Variants in CHD7 observed in about 807,000 individuals in gnomAD.
The protein encoded by CHD7 is chromodomain helicase DNA binding protein 7.
Under a neutral mutation model 307.3 loss-of-function variants are expected in CHD7, and 24 were observed. The observed-to-expected ratio is 0.08, with a 90% CI of 0.06 to 0.11. The LOEUF (loss-of-function observed/expected upper bound fraction) is 0.11, where lower values mean the gene tolerates loss of function less well. Ranked by LOEUF, CHD7 falls within the 10% of genes least tolerant of loss-of-function variation. The pLI is 1.00. For missense variants in CHD7, 3,106 were observed against 3,727.1 expected, an observed-to-expected ratio of 0.83 and a Z score of 4.34; for synonymous variants, 1,363 against 1,349.9, an observed-to-expected ratio of 1.01 and a Z score of -0.21.
At chr8:60,822,275 A>C (rs1231114910) in intron 11 of CHD7, 130 bp downstream of exon 11, 1 of 746,798 alleles carries the variant, frequency 1.3e-6, no homozygotes, top group African/African-American at 1.8e-5. Context: ...AAGCATTGAA[A>C]ATATATGTAA....
chr8:60,709,094 T>C (rs1055098753), intron 1 of CHD7, among the ~76,000 whole-genome samples: 1 of 152,242 alleles, frequency 6.6e-6, no homozygotes, highest in African/African-American at 2.4e-5. Flanking sequence ...TCTACGTTCC[T>C]GTTTTCTTCT....
rs935560876 is a variant in CHD7, at chr8:60,856,640, T to G, written c.7360T>G (p.Ser2454Ala). ...LSKASREATS[S>A]TSNFSSLSSK... ...AAAGGCCTCAAGAGAGGCAACAAGC[T>G]CTACCTCAAATTTTTCATCTCTTTC... is the stretch of plus-strand genomic sequence containing the variant. Residue 2454 changes from serine to alanine, a missense_variant, in exon 34 of 38, where the codon TCT becomes GCT. Ser to Ala is a moderately conservative substitution (Grantham distance 99, BLOSUM62 1). Coordinates refer to ENST00000423902, the MANE Select transcript of CHD7 (RefSeq NM_017780.4). 1 of 1,614,022 alleles carries G rather than the reference T, an allele frequency of 6.2e-7. No individual in the cohort carries two copies. The highest frequency in any genetic ancestry group is 1.3e-5 in the African/African-American group (1 of 75,048).
chr8:60,852,573 G>A lies in CHD7; in HGVS notation c.5970G>A (p.Gln1990=), dbSNP rs746664377. The part of the protein sequence containing the change: ...TFGVIFDPVK[Q]QFDWNQFRAF... ...GGGTTATTTTTGACCCTGTGAAACA[G>A]CAATTTGACTGGAACCAATTTAGAG... The change falls in exon 30 of 38, where the codon CAG becomes CAA. Residue 1990 remains glutamine (Q), a synonymous_variant. Transcript: ENST00000423902. 3 of 1,613,946 alleles carry A rather than the reference G, an allele frequency of 1.9e-6. No homozygotes were observed. In the South Asian group the frequency reaches 3.3e-5, roughly 18 times the overall value.
chr8:60,743,449 G>A (rs917027358), intron 2 of CHD7, among the ~76,000 whole-genome samples: 3 of 152,178 alleles, frequency 2.0e-5, no homozygotes, highest in Admixed American at 2.0e-4. Context: ...GTGTGTGTGT[G>A]TTTTAAAAAT....
At chr8:60,722,806 A>T (rs1331265583) in intron 1 of CHD7, among the ~76,000 whole-genome samples, 1 of 152,232 alleles carries the variant, frequency 6.6e-6, no homozygotes, top group Non-Finnish European at 1.5e-5. Context: ...GAACATGAAG[A>T]AAATCTGGTC....
In CHD7 at chr8:60,867,055, C is replaced by T. The variant is rs1174806322; in HGVS notation, c.*1122C>T. On this transcript the variant is annotated 3_prime_UTR_variant, in exon 38 of 38. Coordinates refer to ENST00000423902, the MANE Select transcript of CHD7 (RefSeq NM_017780.4). ...CTTTTGGTAAGACACTAAACTGTCTCGAAGACTAGACAGGAAGGAAAACCT... is the reference window on the plus strand; with the variant it reads ...CTTTTGGTAAGACACTAAACTGTCTTGAAGACTAGACAGGAAGGAAAACCT... 3 of 152,000 alleles carry T rather than the reference C, an allele frequency of 2.0e-5. No individual in the cohort carries two copies. The highest frequency in any genetic ancestry group is 4.8e-5 in the African/African-American group (2 of 41,372). The allele number at this position is 152,000 out of a possible 1,614,324, so 9.4% of individuals were successfully genotyped here. A position where few individuals can be genotyped will look rare whatever the true frequency, so the allele number is the denominator to read the frequency against.
chr8:60,805,492 C>T (rs1458188279), intron 6 of CHD7, among the ~76,000 whole-genome samples: 1 of 152,158 alleles, frequency 6.6e-6, no homozygotes, highest in East Asian at 1.9e-4. Flanking sequence ...CTAGGCAGCC[C>T]TAGACTCTCT....
intron 7 of CHD7, among the ~76,000 whole-genome samples, chr8:60,814,308 G>A (rs1348099012): frequency 6.6e-6 from 1 of 152,238 alleles, no homozygotes; most frequent in Non-Finnish European, 1.5e-5. Flanking sequence ...TCCAGTTCAA[G>A]GCTACACAGG....
At chr8:60,795,246 T>C in intron 4 of CHD7, 119 bp downstream of exon 4, 1 of 979,214 alleles carries the variant, frequency 1.0e-6, no homozygotes. Context: ...GATGTCTTTA[T>C]TGTAGTCTGG....
chr8:60,712,469 G>A (rs951969490), intron 1 of CHD7, among the ~76,000 whole-genome samples: 2 of 152,130 alleles, frequency 1.3e-5, no homozygotes, highest in African/African-American at 4.8e-5. Flanking sequence ...GAGCAGAATC[G>A]GCCCTCCTGC....
chr8:60,767,689 G>A (rs764182261), intron 2 of CHD7, among the ~76,000 whole-genome samples: 16 of 152,140 alleles, frequency 1.1e-4, no homozygotes, highest in Non-Finnish European at 2.1e-4. Context: ...AGCTCTGTGC[G>A]GGACTCCTCA....
In CHD7 at chr8:60,833,687, C is replaced by A. The variant is rs536737033; in HGVS notation, c.3779-2386C>A. 3.3e-5 allele frequency among the ~76,000 whole-genome samples: 5 copies of A among 152,320 alleles called. No individual in the cohort carries two copies. The South Asian group carries it at 1.0e-3, about 32-fold the overall frequency. ...AAGTTGTCTTTGATATACACACTTT[C>A]CAGTGTAGTGCCAGCCATACATTAA... On this transcript the variant is annotated intron_variant, in intron 15 of 37. Coordinates refer to ENST00000423902, the MANE Select transcript of CHD7 (RefSeq NM_017780.4).
At position 60,735,684 on chromosome 8, in the gene CHD7, T is replaced by C. The variant is rs74916248; in HGVS notation, c.-174-5575T>C. ...CATCCCAAAGGGTAGATATGGACCT[T>C]TAAAAGAATACTAATCTCTGAAAGA... On this transcript the variant is annotated intron_variant, in intron 1 of 37. Transcript: ENST00000423902. Among the ~76,000 whole-genome samples, 804 of 152,336 alleles carry C rather than the reference T, an allele frequency of 5.3e-3. 4 individuals carry two copies. The highest frequency in any genetic ancestry group is 8.4e-3 in the Non-Finnish European group (574 of 68,034).
chr8:60,815,242 A>G (rs6987611), intron 7 of CHD7, among the ~76,000 whole-genome samples: 38,518 of 152,110 alleles, frequency 0.25, 8,385 homozygotes, highest in African/African-American at 0.6. Flanking sequence ...AGCATTTCCT[A>G]TATCATGAAT....
chr8:60,837,032 C>G lies in CHD7; in HGVS notation c.4185+20C>G. ...CTCCAGGTAAATGCACAAGAAAGTC[C>G]TGATGCCTTTAAAAAGGAAGTCATT... is the stretch of plus-strand genomic sequence containing the variant. On this transcript the variant is annotated intron_variant, in intron 17 of 37. Transcript: ENST00000423902. 6.3e-7 allele frequency: 1 copy of G among 1,574,992 alleles called. No homozygotes were observed. Among genetic ancestry groups the G allele is most frequent in the Non-Finnish European group, 8.7e-7 (1 of 1,153,864 alleles).
intron 7 of CHD7, among the ~76,000 whole-genome samples, chr8:60,810,708 T>A (rs1194663963): frequency 6.6e-6 from 1 of 152,214 alleles, no homozygotes; most frequent in African/African-American, 2.4e-5. Flanking sequence ...GTTAGCTTTT[T>A]GTCTTTAGTT....
chr8:60,816,496 T>A lies in CHD7; in HGVS notation c.2608T>A (p.Ser870Thr). The change falls in exon 8 of 38, where the codon TCA becomes ACA. Residue 870 changes from serine (S) to threonine (T), a missense_variant. Physicochemically the swap from Ser to Thr is moderately conservative, Grantham distance 58 (BLOSUM62 1). This residue lies in a region of CHD7 where 188 missense variants were observed against 261.7 expected (regional missense o/e 0.72). Transcript: ENST00000423902. ...KAKQGQNKFLSEIEDELFNPD... is the reference protein window; with the variant it reads ...KAKQGQNKFLTEIEDELFNPD... ...AAAGCAGGGCCAGAACAAGTTCCTT[T>A]CAGAGGTACGACATACCTGCTTACT... The A allele has an allele frequency of 6.3e-7, 1 of 1,579,348 alleles. No individual in the cohort carries two copies. The highest frequency in any genetic ancestry group is 8.7e-7 in the Non-Finnish European group (1 of 1,152,708).
rs953926950 is a variant in CHD7 at position 60,826,782 on chromosome 8, C to G, written c.3379-1881C>G. On this transcript the variant is annotated intron_variant, in intron 13 of 37. Coordinates refer to ENST00000423902, the MANE Select transcript of CHD7 (RefSeq NM_017780.4). ...CACGAGGAGGGGATGCTGTGGAGAT[C>G]ATGGTAGTTCTTCATTGATTCTAGT... 1.1e-4 allele frequency among the ~76,000 whole-genome samples: 16 copies of G among 152,320 alleles called. 1 individual carries two copies. The South Asian group carries it at 3.3e-3, about 32-fold the overall frequency.
chr8:60,718,377 A>G (rs1043580794), intron 1 of CHD7, among the ~76,000 whole-genome samples: 1 of 152,158 alleles, frequency 6.6e-6, no homozygotes, highest in Non-Finnish European at 1.5e-5. Flanking sequence ...CGGGAGGCTG[A>G]GGCAGGAGAA....
Sources: allele counts gnomAD v4.1 joint callset (sites outside exome capture counted in the v4.1 genomes callset), GRCh38; gene constraint gnomAD v4.1.1; regional missense constraint gnomAD v4.1.1; transcripts MANE v1.5; gene names NCBI Gene and HGNC (gene_info 2026-07-23, HGNC 2026-07-21).